The following SRGAP3 variants were observed in gnomAD, a reference collection of about 807,000 sequenced individuals.
SRGAP3 encodes SLIT-ROBO Rho GTPase activating protein 3, also known as SLIT-ROBO Rho GTPase-activating protein 3.
A neutral mutation model predicts 121.1 loss-of-function variants in SRGAP3; 39 were observed. The observed-to-expected ratio is 0.32, with a 90% CI of 0.25 to 0.42. SRGAP3 has a LOEUF of 0.42. Among genes scored for constraint, SRGAP3 ranks in the 10% least tolerant of loss-of-function variants. SRGAP3 has a pLI of 1.00. For missense variants in SRGAP3, 1,213 were observed against 1,470.6 expected (o/e 0.82, Z 2.86); for synonymous variants, 601 against 570.0 (o/e 1.05, Z -0.77).
intron 3 of SRGAP3, among the ~76,000 whole-genome samples, chr3:9,307,363 G>T (rs965927736): frequency 6.6e-6 from 1 of 152,198 alleles, no homozygotes; most frequent in Non-Finnish European, 1.5e-5. Flanking sequence ...ACAGCCAGGG[G>T]TCCTGGGGGC....
chr3:9,316,958 G>A (rs1257848100), intron 3 of SRGAP3, among the ~76,000 whole-genome samples: 1 of 152,118 alleles, frequency 6.6e-6, no homozygotes, highest in Non-Finnish European at 1.5e-5. Context: ...TTCAAGGAAA[G>A]GGGCCAGAGA....
rs569095922 is a variant in SRGAP3 at position 9,000,578 on chromosome 3, A to T, written c.2228-6055T>A. 2.0e-5 allele frequency among the ~76,000 whole-genome samples: 3 copies of T among 152,360 alleles called. No homozygotes were observed. In the South Asian group the frequency reaches 6.2e-4, roughly 32 times the overall value. On this transcript the variant is annotated intron_variant, in intron 18 of 21. Coordinates refer to ENST00000383836, the MANE Select transcript of SRGAP3 (RefSeq NM_014850.4). Reference sequence around the variant, plus strand: ...TTCAAGTCGAAGGGGACTCTCAAGAACAGTGGAGGTCGTGTTGAAGGGCAA... The same window carrying T: ...TTCAAGTCGAAGGGGACTCTCAAGATCAGTGGAGGTCGTGTTGAAGGGCAA...
chr3:9,130,205 CACA>C (rs1321432004), intron 1 of SRGAP3, among the ~76,000 whole-genome samples: 1 of 152,144 alleles, frequency 6.6e-6, no homozygotes, highest in Non-Finnish European at 1.5e-5. Flanking sequence ...ACATACCACA[CACA>C]ACACCACTCA....
At chr3:9,020,285 C>T (rs1388338906) in intron 14 of SRGAP3, among the ~76,000 whole-genome samples, 1 of 152,156 alleles carries the variant, frequency 6.6e-6, no homozygotes, top group Non-Finnish European at 1.5e-5. Context: ...TTCCTTCCTT[C>T]CTTTCATCCT....
At chr3:9,228,705 G>T (rs1953082007) in intron 1 of SRGAP3, among the ~76,000 whole-genome samples, 1 of 152,146 alleles carries the variant, frequency 6.6e-6, no homozygotes, top group Admixed American at 6.5e-5. Context: ...AGTTCTTGGG[G>T]GCAACAGAAG....
At chr3:9,334,876 C>G (rs1486728312) in intron 1 of SRGAP3, among the ~76,000 whole-genome samples, 2 of 152,110 alleles carry the variant, frequency 1.3e-5, no homozygotes, top group African/African-American at 4.8e-5. Flanking sequence ...GATTTAATAC[C>G]AGCTGACCAT....
chr3:9,167,337 ACTCT>A (rs1221295997), intron 1 of SRGAP3, among the ~76,000 whole-genome samples: 1 of 151,372 alleles, frequency 6.6e-6, no homozygotes, highest in African/African-American at 2.4e-5. Flanking sequence ...CTGCCTCTTC[ACTCT>A]CTCTCTCATT....
intron 1 of SRGAP3, among the ~76,000 whole-genome samples, chr3:9,200,787 G>A (rs750334931): frequency 4.6e-5 from 7 of 152,126 alleles, no homozygotes; most frequent in Non-Finnish European, 8.8e-5. Flanking sequence ...CAGATTCCCG[G>A]GCTCCACCAT....
intron 9 of SRGAP3, among the ~76,000 whole-genome samples, chr3:9,051,710 CTTTTTTT>C (rs36044423): frequency 1.9e-5 from 2 of 103,108 alleles, no homozygotes; most frequent in Admixed American, 1.2e-4. Flanking sequence ...TTGCTCAATT[CTTTTTTT>C]TTTTTTTTTT....
At chr3:9,225,058 G>A (rs1342670303) in intron 1 of SRGAP3, among the ~76,000 whole-genome samples, 1 of 152,132 alleles carries the variant, frequency 6.6e-6, no homozygotes, top group Non-Finnish European at 1.5e-5. Context: ...TGGGTAAAGT[G>A]CCTGCAGTTT....
chr3:9,090,379 G>A (rs973734583), intron 3 of SRGAP3, among the ~76,000 whole-genome samples: 8 of 150,624 alleles, frequency 5.3e-5, no homozygotes, highest in Admixed American at 3.3e-4. Flanking sequence ...GTAAAGGATG[G>A]TCACCCATAA....
chr3:9,271,979 C>T (rs1191766182), intron 3 of SRGAP3, among the ~76,000 whole-genome samples: 1 of 152,150 alleles, frequency 6.6e-6, no homozygotes, highest in African/African-American at 2.4e-5. Context: ...AACAAAAGAC[C>T]ACAACGATCA....
Position 9,056,452 on chromosome 3 carries a change from G to C in SRGAP3, c.1024-118C>G, listed in dbSNP as rs538056272. On this transcript the variant is annotated intron_variant, in intron 7 of 21. Coordinates refer to ENST00000383836, the MANE Select transcript of SRGAP3 (RefSeq NM_014850.4). The stretch of plus-strand genomic sequence containing the variant: ...AGTCCAGGAAACAGGGGCTCGGAAA[G>C]GTTGAGTGACCTGCTCAAGGTCACA... 278 of 1,080,436 alleles carry C rather than the reference G, an allele frequency of 2.6e-4. No homozygotes were observed. In the African/African-American group the frequency reaches 3.8e-3, roughly 15 times the overall value. 66.9% of individuals were successfully genotyped at this position (1,080,436 alleles called of 1,614,324 possible).
chr3:9,198,771 G>A (rs575639518), intron 1 of SRGAP3, among the ~76,000 whole-genome samples: 8 of 152,242 alleles, frequency 5.3e-5, no homozygotes, highest in Non-Finnish European at 7.4e-5. Context: ...CCCAGCAAAC[G>A]GGGCTAGGAC....
chr3:9,015,379 T>C (rs1943585563), intron 15 of SRGAP3, among the ~76,000 whole-genome samples: 1 of 152,192 alleles, frequency 6.6e-6, no homozygotes, highest in Non-Finnish European at 1.5e-5. Context: ...CCTCTGGTTC[T>C]CCTCTGAGCT....
intron 17 of SRGAP3, among the ~76,000 whole-genome samples, chr3:9,011,582 G>A (rs1943377872): frequency 6.6e-6 from 1 of 152,196 alleles, no homozygotes; most frequent in Non-Finnish European, 1.5e-5. Flanking sequence ...AGCTCAGTCT[G>A]CACTTCCCCC....
chr3:9,230,496 T>C (rs1245231616), intron 1 of SRGAP3, among the ~76,000 whole-genome samples: 1 of 152,136 alleles, frequency 6.6e-6, no homozygotes, highest in Non-Finnish European at 1.5e-5. Flanking sequence ...CAGAATCACA[T>C]CTTCAAACAG....
At chr3:9,052,856 G>A (rs1340358197) in intron 9 of SRGAP3, among the ~76,000 whole-genome samples, 171 bp downstream of exon 9, 1 of 151,998 alleles carries the variant, frequency 6.6e-6, no homozygotes. Flanking sequence ...TTCACTTTCT[G>A]CATTTCAGAA....
intron 7 of SRGAP3, among the ~76,000 whole-genome samples, chr3:9,057,642 A>G (rs990552461): frequency 3.3e-5 from 5 of 152,202 alleles, no homozygotes; most frequent in African/African-American, 1.2e-4. Flanking sequence ...GGTTCCCCCA[A>G]TGCCCCGAGG....
Sources: gnomAD v4.1 joint callset for allele counts (sites outside exome capture counted in the v4.1 genomes callset) on GRCh38, gnomAD v4.1.1 for gene constraint, MANE v1.5 for transcripts, NCBI Gene and HGNC (gene_info 2026-07-23, HGNC 2026-07-21) for gene names.